Variants in POLR3A observed in about 807,000 individuals in gnomAD.
The protein encoded by POLR3A is RNA polymerase III subunit A.
A neutral mutation model predicts 152.8 loss-of-function variants in POLR3A; 112 were observed. That is an observed-to-expected ratio of 0.73 (90% CI 0.63 to 0.86). The LOEUF is 0.86. POLR3A is among the 40% of genes least tolerant of loss of function. POLR3A has a pLI of 0.00. For missense variants in POLR3A, 1,385 were observed against 1,743.1 expected (o/e 0.79, Z 3.66); for synonymous variants, 615 against 652.1 (o/e 0.94, Z 0.87).
intron 11 of POLR3A, chr10:78,013,038 C>T (rs1847481819): frequency 1.2e-5 from 2 of 160,878 alleles, no homozygotes; most frequent in Non-Finnish European, 2.7e-5. Flanking sequence ...ACAGTTAAAG[C>T]TCAACTGTAA....
chr10:78,010,714 CT>C (rs1394817328), intron 11 of POLR3A, among the ~76,000 whole-genome samples, 174 bp from the exon 12 acceptor site: 3 of 152,156 alleles, frequency 2.0e-5, no homozygotes, highest in Admixed American at 6.5e-5. Context: ...CTCCCAGTTC[CT>C]TTATCTGTCA....
intron 20 of POLR3A, among the ~76,000 whole-genome samples, chr10:77,992,714 A>AT (rs1589307024): frequency 1.3e-5 from 2 of 151,828 alleles, no homozygotes; most frequent in East Asian, 1.9e-4. Flanking sequence ...TTTAAAAAAT[A>AT]TTTTTTTAGA....
At chr10:77,994,884 G>A (rs1847284389) in intron 19 of POLR3A, among the ~76,000 whole-genome samples, 1 of 152,064 alleles carries the variant, frequency 6.6e-6, no homozygotes, top group Admixed American at 6.6e-5. Context: ...TTGAAATGAA[G>A]GAAAAAATGT....
At chr10:78,020,916 T>C (rs1327213862) in intron 8 of POLR3A, among the ~76,000 whole-genome samples, 3 of 152,242 alleles carry the variant, frequency 2.0e-5, no homozygotes, top group African/African-American at 7.2e-5. Context: ...TAACTATGGA[T>C]AATGTTTACC....
At chr10:78,026,288 T>A in intron 1 of POLR3A, 59 bp from the exon 2 acceptor site, 1 of 1,588,478 alleles carries the variant, frequency 6.3e-7, no homozygotes, top group South Asian at 1.1e-5. Context: ...AAATGTCTAT[T>A]ACATACATAG....
At chr10:78,028,780 G>C (rs534754923) in intron 1 of POLR3A, among the ~76,000 whole-genome samples, 1 of 152,070 alleles carries the variant, frequency 6.6e-6, no homozygotes, top group Admixed American at 6.5e-5. Flanking sequence ...TGGGATTACA[G>C]GAGTAAGCCA....
chr10:78,020,656 T>C (rs11002377), intron 8 of POLR3A, among the ~76,000 whole-genome samples: 12,784 of 151,836 alleles, frequency 0.084, 1,720 homozygotes, highest in African/African-American at 0.29. Context: ...CGCATGGTGA[T>C]GGGCGCCTGT....
intron 11 of POLR3A, among the ~76,000 whole-genome samples, chr10:78,010,867 CA>C (rs1847460328): frequency 6.6e-6 from 1 of 152,112 alleles, no homozygotes; most frequent in Non-Finnish European, 1.5e-5. Context: ...GTTTTTGAGA[CA>C]GAGTCTTGCT....
chr10:77,982,228 C>G lies in POLR3A; in HGVS notation c.3685G>C (p.Gly1229Arg), dbSNP rs759478769. 6.2e-7 allele frequency: 1 copy of G among 1,614,022 alleles called. No individual in the cohort carries two copies. The change falls in exon 28 of 31, where the codon GGT becomes CGT. Residue 1229 changes from glycine to arginine, a missense_variant. Gly to Arg is a moderately radical substitution (Grantham distance 125). Transcript: ENST00000372371. ...GCCATGACTGCCCGCAGGTTATCAC[C>G]TTCCACCAGAAGCTTGTACTTCTCC... Reference protein sequence around the residue: ...GKEKYKLLVEGDNLRAVMATH... With the variant: ...GKEKYKLLVERDNLRAVMATH...
chr10:78,014,033 T>A (rs1253916611), intron 10 of POLR3A, among the ~76,000 whole-genome samples: 1 of 152,076 alleles, frequency 6.6e-6, no homozygotes, highest in African/African-American at 2.4e-5. Flanking sequence ...AACACATGCC[T>A]ATAATCCCAG....
chr10:77,981,795 C>T (rs1007723192), intron 28 of POLR3A, among the ~76,000 whole-genome samples: 3 of 144,890 alleles, frequency 2.1e-5, no homozygotes, highest in African/African-American at 7.7e-5. Context: ...GAGGCCGAGG[C>T]GGGCGGATCA....
At chr10:78,025,589 TTA>T (rs1282739402) in intron 3 of POLR3A, 31 bp downstream of exon 3, 2 of 1,612,302 alleles carry the variant, frequency 1.2e-6, no homozygotes, top group African/African-American at 1.3e-5. Flanking sequence ...ACTCCAGAAT[TTA>T]TGTCTTGGAA....
At position 77,977,171 on chromosome 10, in the gene POLR3A, G is replaced by C; in HGVS notation, c.*307C>G. 5.1e-6 allele frequency: 2 copies of C among 392,392 alleles called. No homozygotes were observed. Among genetic ancestry groups the C allele is most frequent in the South Asian group, 2.2e-5 (1 of 45,640 alleles). 24.3% of individuals were successfully genotyped at this position (392,392 alleles called of 1,614,324 possible). ...TGAGCTGGGATGGACCATGACACCT[G>C]GCTGGGCTTTAAGTCCAGGGAAGCA... is the stretch of plus-strand genomic sequence containing the variant. On this transcript the variant is annotated 3_prime_UTR_variant, in exon 31 of 31. Transcript: ENST00000372371.
chr10:77,992,769 G>A (rs1007758406), intron 20 of POLR3A, among the ~76,000 whole-genome samples: 4 of 151,672 alleles, frequency 2.6e-5, no homozygotes, highest in East Asian at 1.9e-4. Flanking sequence ...CAAACTTCTC[G>A]CCTCAAGTGA....
In POLR3A at chr10:77,989,642, G is replaced by A. The variant is rs73298676; in HGVS notation, c.2901+1412C>T. On this transcript the variant is annotated intron_variant, in intron 21 of 30. Transcript: ENST00000372371. ...AAGCAAAGCAGTGTTTGCCAGAACC[G>A]GGACAGAAACCTGCTCTCTCTGGCG... is the stretch of plus-strand genomic sequence containing the variant. Among the ~76,000 whole-genome samples, 814 of 152,300 alleles carry A rather than the reference G, an allele frequency of 5.3e-3. 3 individuals carry two copies. The highest frequency in any genetic ancestry group is 0.018 in the African/African-American group (767 of 41,548).
intron 20 of POLR3A, among the ~76,000 whole-genome samples, chr10:77,991,532 C>T (rs1407693208): frequency 6.6e-6 from 1 of 151,952 alleles, no homozygotes; most frequent in East Asian, 1.9e-4. Context: ...ATAAATTTCT[C>T]TTTTTTTTGA....
chr10:78,012,177 G>A (rs368036486), intron 11 of POLR3A, among the ~76,000 whole-genome samples: 79 of 152,198 alleles, frequency 5.2e-4, no homozygotes, highest in Middle Eastern at 3.4e-3. Context: ...CCAGCCTGAC[G>A]AATGTGGTGA....
chr10:77,999,925 A>C lies in POLR3A; in HGVS notation c.2616+56T>G, dbSNP rs1847340102. On this transcript the variant is annotated intron_variant, in intron 19 of 30. Coordinates refer to ENST00000372371, the MANE Select transcript of POLR3A (RefSeq NM_007055.4). ...TGCAAAACGTGTACTCAATAGTCAA[A>C]ACCCACAGAGCTCTGTCCTGCTCTG... 7.0e-6 allele frequency: 11 copies of C among 1,575,142 alleles called. No homozygotes were observed. In the South Asian group the frequency reaches 1.2e-4, roughly 17 times the overall value.
chr10:78,009,958 A>G lies in POLR3A; in HGVS notation c.1676T>C (p.Phe559Ser), dbSNP rs369271479. The G allele has an allele frequency of 3.1e-6, 5 of 1,614,100 alleles. No individual in the cohort carries two copies. Among genetic ancestry groups the G allele is most frequent in the African/African-American group, 1.3e-5 (1 of 74,938 alleles). ...AYLLTLKDTF[F>S]DRAKACQIIA... ...GATTTGGCAAGCCTTGGCTCGATCAAAGAAAGTGTCCTTGAGAGTGAGGAG... is the reference window on the plus strand; with the variant it reads ...GATTTGGCAAGCCTTGGCTCGATCAGAGAAAGTGTCCTTGAGAGTGAGGAG... Residue 559 changes from phenylalanine (F) to serine (S), a missense_variant, in exon 13 of 31, where the codon TTT becomes TCT. Phe to Ser is a radical substitution (Grantham distance 155). This residue lies in a region of POLR3A where 188 missense variants were observed against 179.9 expected (regional missense o/e 1.04). Coordinates refer to ENST00000372371, the MANE Select transcript of POLR3A (RefSeq NM_007055.4).
Sources: gnomAD v4.1 joint callset for allele counts (sites outside exome capture counted in the v4.1 genomes callset) on GRCh38, gnomAD v4.1.1 for gene constraint, gnomAD v4.1.1 regional missense constraint, MANE v1.5 for transcripts, NCBI Gene and HGNC (gene_info 2026-07-23, HGNC 2026-07-21) for gene names.